Variants in CSMD1 observed in about 807,000 individuals in gnomAD.
The protein encoded by CSMD1 is CUB and Sushi multiple domains 1.
CSMD1 carries 213 observed loss-of-function variants against 417.5 expected under a neutral mutation model. That is an observed-to-expected ratio of 0.51 (90% CI 0.46 to 0.57). The LOEUF (loss-of-function observed/expected upper bound fraction) is 0.57. CSMD1 is among the 20% of genes least tolerant of loss of function. The pLI is 0.00. For missense variants in CSMD1, 6,923 were observed against 4,529.7 expected (o/e 1.53, Z -15.17); for synonymous variants, 2,862 against 1,736.8 (o/e 1.65, Z -16.11).
At chr8:4,156,922 T>C (rs1414004454) in intron 3 of CSMD1, among the ~76,000 whole-genome samples, 1 of 152,148 alleles carries the variant, frequency 6.6e-6, no homozygotes, top group African/African-American at 2.4e-5. Context: ...CGGACATTTG[T>C]GAGGGTTACG....
Position 3,837,170 on chromosome 8 carries a change from A to C in CSMD1, c.819-83128T>G, listed in dbSNP as rs866316457. On this transcript the variant is annotated intron_variant, in intron 5 of 69. Coordinates refer to ENST00000635120, the MANE Select transcript of CSMD1 (RefSeq NM_033225.6). ...CTAAAGGAAAAAAAAAAATCTGTTC[A>C]CATCAGTTTCACAGTCTGTGGTCAA... is the stretch of plus-strand genomic sequence containing the variant. Among the ~76,000 whole-genome samples, 11 of 152,200 alleles carry C rather than the reference A, an allele frequency of 7.2e-5. No homozygotes were observed. The East Asian group carries it at 1.4e-3, about 19-fold the overall frequency.
intron 1 of CSMD1, among the ~76,000 whole-genome samples, chr8:4,683,104 G>A (rs911731841): frequency 2.0e-5 from 3 of 150,888 alleles, no homozygotes; most frequent in East Asian, 3.9e-4. Flanking sequence ...GTTTCAATTT[G>A]TACTATTATT....
intron 1 of CSMD1, among the ~76,000 whole-genome samples, chr8:4,704,761 C>G (rs919416613): frequency 3.3e-5 from 5 of 152,050 alleles, no homozygotes; most frequent in Middle Eastern, 3.2e-3. Context: ...TGTGAGTTGT[C>G]GAGGCAGGAG....
intron 39 of CSMD1, among the ~76,000 whole-genome samples, chr8:3,154,411 G>A (rs537355070): frequency 6.6e-6 from 1 of 152,164 alleles, no homozygotes; most frequent in Non-Finnish European, 1.5e-5. Context: ...CTTTCTTATA[G>A]GTAAATAGCA....
intron 2 of CSMD1, among the ~76,000 whole-genome samples, chr8:4,507,512 A>C (rs1304075528): frequency 6.6e-6 from 1 of 152,198 alleles, no homozygotes; most frequent in Non-Finnish European, 1.5e-5. Flanking sequence ...CTAGAGGCTT[A>C]TGATTTTTAG....
chr8:4,533,737 G>A (rs1411032341), intron 2 of CSMD1, among the ~76,000 whole-genome samples: 2 of 151,614 alleles, frequency 1.3e-5, no homozygotes, highest in Non-Finnish European at 2.9e-5. Flanking sequence ...AAATACAATG[G>A]AATTAGCAAT....
intron 3 of CSMD1, among the ~76,000 whole-genome samples, chr8:4,363,346 G>C (rs971084899): frequency 6.6e-6 from 1 of 152,112 alleles, no homozygotes; most frequent in Admixed American, 6.6e-5. Flanking sequence ...ACTGTTTTAG[G>C]TACTCGTATG....
chr8:4,207,408 T>G (rs534150778), intron 3 of CSMD1, among the ~76,000 whole-genome samples: 1 of 152,244 alleles, frequency 6.6e-6, no homozygotes, highest in Admixed American at 6.5e-5. Context: ...AATAAGCAAA[T>G]CATATTTTGT....
intron 2 of CSMD1, among the ~76,000 whole-genome samples, chr8:4,552,251 T>C (rs1194454289): frequency 2.0e-5 from 3 of 152,154 alleles, no homozygotes; most frequent in East Asian, 1.9e-4. Context: ...TAGTAACTCA[T>C]CTGCTGTGTT....
chr8:4,077,369 T>C (rs1362248959), intron 3 of CSMD1, among the ~76,000 whole-genome samples: 2 of 147,054 alleles, frequency 1.4e-5, no homozygotes, highest in African/African-American at 2.6e-5. Context: ...ATCAGAGGTA[T>C]CTTTTAATGG....
chr8:3,290,207 C>G (rs183471990), intron 25 of CSMD1, among the ~76,000 whole-genome samples: 1 of 147,174 alleles, frequency 6.8e-6, no homozygotes, highest in African/African-American at 2.7e-5. Flanking sequence ...GGTACCAGTA[C>G]CATGCTGTTT....
At chr8:3,731,644 T>C (rs370199981) in intron 6 of CSMD1, among the ~76,000 whole-genome samples, 13 of 152,094 alleles carry the variant, frequency 8.5e-5, no homozygotes, top group Admixed American at 1.3e-4. Flanking sequence ...TGAAAGAAGA[T>C]AGGAATTATG....
At chr8:3,813,660 A>C (rs1801210741) in intron 5 of CSMD1, among the ~76,000 whole-genome samples, 1 of 152,192 alleles carries the variant, frequency 6.6e-6, no homozygotes. Context: ...ATACAAAATT[A>C]TTTAAGTGGC....
Position 4,160,160 on chromosome 8 carries a change from G to C in CSMD1, c.416-128061C>G, listed in dbSNP as rs143836570. 2.6e-3 allele frequency among the ~76,000 whole-genome samples: 397 copies of C among 151,784 alleles called. 1 individual carries two copies. The highest frequency in any genetic ancestry group is 6.9e-3 in the Middle Eastern group (2 of 290). On this transcript the variant is annotated intron_variant, in intron 3 of 69. Coordinates refer to ENST00000635120, the MANE Select transcript of CSMD1 (RefSeq NM_033225.6). The stretch of plus-strand genomic sequence containing the variant: ...TCCAAGTATTAACTTTGAAAATTAT[G>C]ATTTACTGACTAAGACTTAAGGGGA...
chr8:4,584,312 G>A (rs377013766), intron 2 of CSMD1, among the ~76,000 whole-genome samples: 17 of 151,494 alleles, frequency 1.1e-4, no homozygotes, highest in Admixed American at 2.0e-4. Context: ...TGAGACCGTC[G>A]CCTATCGCCG....
chr8:4,604,839 T>C (rs1800784497), intron 2 of CSMD1, among the ~76,000 whole-genome samples: 2 of 152,352 alleles, frequency 1.3e-5, no homozygotes, highest in South Asian at 4.1e-4. Flanking sequence ...GATCTGTCAG[T>C]ATAGTACTCT....
At chr8:4,162,646 A>G (rs560440820) in intron 3 of CSMD1, among the ~76,000 whole-genome samples, 77 of 152,274 alleles carry the variant, frequency 5.1e-4, no homozygotes, top group African/African-American at 1.7e-3. Context: ...GTACACTGAT[A>G]TGTCATGTAA....
chr8:4,125,006 T>C (rs535959985), intron 3 of CSMD1, among the ~76,000 whole-genome samples: 6 of 151,406 alleles, frequency 4.0e-5, no homozygotes, highest in East Asian at 2.0e-4. Flanking sequence ...CTTTCATAAA[T>C]CTTGCCGCCG....
chr8:4,194,967 T>C (rs1024947618), intron 3 of CSMD1, among the ~76,000 whole-genome samples: 1 of 151,820 alleles, frequency 6.6e-6, no homozygotes, highest in African/African-American at 2.4e-5. Flanking sequence ...AATATGAGAA[T>C]GGACTATCTA....
Sources: gnomAD v4.1 joint callset for allele counts (sites outside exome capture counted in the v4.1 genomes callset) on GRCh38, gnomAD v4.1.1 for gene constraint, MANE v1.5 for transcripts, NCBI Gene and HGNC (gene_info 2026-07-23, HGNC 2026-07-21) for gene names.